Variants in ASAP1 observed in about 807,000 individuals in gnomAD.
ASAP1 encodes arf-GAP with SH3 domain, ANK repeat and PH domain-containing protein 1.
Under a neutral mutation model 145.2 loss-of-function variants are expected in ASAP1, and 43 were observed. That is an observed-to-expected ratio of 0.30 (90% CI 0.23 to 0.38). The LOEUF is 0.38. Ranked by LOEUF, ASAP1 falls within the 10% of genes least tolerant of loss-of-function variation. ASAP1 has a pLI of 1.00. For synonymous variants in ASAP1, 546 were observed against 515.5 expected, an observed-to-expected ratio of 1.06 and a Z score of -0.80; for missense variants, 1,018 against 1,355.3, an observed-to-expected ratio of 0.75 and a Z score of 3.91.
At chr8:130,276,010 G>A (rs1468764253) in intron 3 of ASAP1, among the ~76,000 whole-genome samples, 1 of 152,152 alleles carries the variant, frequency 6.6e-6, no homozygotes, top group African/African-American at 2.4e-5. Context: ...GAGTGATCAA[G>A]GAAAGAACCA....
At position 130,229,765 on chromosome 8, in the gene ASAP1, C is replaced by T. The variant is rs577953782; in HGVS notation, c.259+7157G>A. Among the ~76,000 whole-genome samples, 34 of 152,282 alleles carry T rather than the reference C, an allele frequency of 2.2e-4. 1 individual carries two copies. Among genetic ancestry groups the T allele is most frequent in the South Asian group, 2.1e-3 (10 of 4,832 alleles). On this transcript the variant is annotated intron_variant, in intron 4 of 29. Coordinates refer to ENST00000518721, the MANE Select transcript of ASAP1 (RefSeq NM_018482.4). ...TTAAAAAACCCCAAAATAGGCTGGG[C>T]GTGCTGGCTCACACCTGTAAATCCC...
At chr8:130,133,875 A>T (rs951138778) in intron 15 of ASAP1, among the ~76,000 whole-genome samples, 2 of 152,178 alleles carry the variant, frequency 1.3e-5, no homozygotes, top group African/African-American at 4.8e-5. Flanking sequence ...AGGCTGGCTG[A>T]TATGTTTGGC....
intron 3 of ASAP1, among the ~76,000 whole-genome samples, chr8:130,237,971 T>G (rs1300453824): frequency 2.6e-5 from 4 of 152,018 alleles, no homozygotes; most frequent in Admixed American, 2.0e-4. Flanking sequence ...AATAAAAATT[T>G]AAAACATTAA....
chr8:130,361,845 T>C (rs1313261040), intron 2 of ASAP1: 3 of 1,038,756 alleles, frequency 2.9e-6, no homozygotes, highest in South Asian at 2.7e-5. Context: ...CCCCGAAATA[T>C]ACACCATCCT....
chr8:130,130,214 C>A (rs62524639), intron 15 of ASAP1, among the ~76,000 whole-genome samples: 30 of 152,350 alleles, frequency 2.0e-4, no homozygotes, highest in Non-Finnish European at 4.1e-4. Flanking sequence ...GTAGAATCTT[C>A]TCACATGCCT....
chr8:130,120,346 C>T (rs12675936), intron 18 of ASAP1, among the ~76,000 whole-genome samples: 12,418 of 152,256 alleles, frequency 0.082, 543 homozygotes, highest in African/African-American at 0.097. Context: ...TTAAATCGCT[C>T]GATTCAAGTC....
intron 2 of ASAP1, among the ~76,000 whole-genome samples, chr8:130,389,653 C>A (rs544852273): frequency 3.0e-4 from 46 of 152,298 alleles, no homozygotes; most frequent in Non-Finnish European, 6.5e-4. Context: ...TAAGCTGGAA[C>A]AACTCTACTC....
Position 130,291,280 on chromosome 8 carries a change from T to C in ASAP1, c.187-54286A>G, listed in dbSNP as rs550908097. On this transcript the variant is annotated intron_variant, in intron 3 of 29. Coordinates refer to ENST00000518721, the MANE Select transcript of ASAP1 (RefSeq NM_018482.4). ...CAAAGAAAAATGCTGGAGCCAGAAA[T>C]AGACACTTGCTAAAGTATACATTCT... 1.4e-4 allele frequency among the ~76,000 whole-genome samples: 22 copies of C among 152,260 alleles called. No individual in the cohort carries two copies. In the East Asian group the frequency reaches 3.3e-3, roughly 23 times the overall value.
chr8:130,193,388 C>A (rs1004104206), intron 5 of ASAP1, among the ~76,000 whole-genome samples: 3 of 151,108 alleles, frequency 2.0e-5, no homozygotes, highest in African/African-American at 7.3e-5. Context: ...CCCCAAAAAA[C>A]AAAAGACAAA....
At chr8:130,080,075 G>A (rs541114620) in intron 25 of ASAP1, 104 bp from the exon 26 acceptor site, 67 of 1,068,200 alleles carry the variant, frequency 6.3e-5, no homozygotes, top group Non-Finnish European at 8.1e-5. Flanking sequence ...GTTCCAGAAC[G>A]GCATTTAAAA....
chr8:130,194,206 T>C (rs1470622246), intron 5 of ASAP1, among the ~76,000 whole-genome samples: 1 of 152,170 alleles, frequency 6.6e-6, no homozygotes, highest in Non-Finnish European at 1.5e-5. Flanking sequence ...TTACAAAGTC[T>C]TTCCAACTAA....
At chr8:130,270,592 A>G (rs1391935467) in intron 3 of ASAP1, among the ~76,000 whole-genome samples, 1 of 152,240 alleles carries the variant, frequency 6.6e-6, no homozygotes, top group African/African-American at 2.4e-5. Flanking sequence ...AACATGCATA[A>G]GAACACAAAA....
rs1347960112 is a variant in ASAP1 at position 130,126,840 on chromosome 8, G to A, written c.1382-751C>T. ...AAAATCCAGTTTCACAAGTAAAACC[G>A]CAAAAAAGGTATATCACAGTGCTTA... On this transcript the variant is annotated intron_variant, in intron 16 of 29. Coordinates refer to ENST00000518721, the MANE Select transcript of ASAP1 (RefSeq NM_018482.4). Among the ~76,000 whole-genome samples the A allele has an allele frequency of 3.9e-5, 6 of 152,138 alleles. No individual in the cohort carries two copies. In the South Asian group the frequency reaches 1.0e-3, roughly 26 times the overall value.
chr8:130,149,778 G>A (rs2097641800), intron 13 of ASAP1, among the ~76,000 whole-genome samples: 1 of 152,184 alleles, frequency 6.6e-6, no homozygotes, highest in African/African-American at 2.4e-5. Flanking sequence ...GCAAAGTCAG[G>A]AAAAGCCCGC....
chr8:130,099,575 C>G (rs962920434), intron 24 of ASAP1, among the ~76,000 whole-genome samples: 1 of 151,904 alleles, frequency 6.6e-6, no homozygotes, highest in Admixed American at 6.6e-5. Flanking sequence ...TTAGCTCCCA[C>G]ATGAGTGAGA....
chr8:130,187,873 C>G (rs1205523451), intron 6 of ASAP1, among the ~76,000 whole-genome samples: 1 of 152,168 alleles, frequency 6.6e-6, no homozygotes, highest in Non-Finnish European at 1.5e-5. Context: ...CTTAGCTTCT[C>G]TCTCCCACCC....
intron 24 of ASAP1, among the ~76,000 whole-genome samples, chr8:130,096,081 G>T (rs1421776334): frequency 6.6e-6 from 1 of 152,172 alleles, no homozygotes; most frequent in African/African-American, 2.4e-5. Context: ...CCTATCTATT[G>T]TCTTGTAGTA....
intron 3 of ASAP1, among the ~76,000 whole-genome samples, chr8:130,323,930 C>G (rs985800033): frequency 6.2e-4 from 95 of 152,284 alleles, no homozygotes; most frequent in African/African-American, 2.2e-3. Context: ...GATGCAGGAG[C>G]AATTGTCCTT....
At chr8:130,400,861 T>A (rs1424514913) in intron 2 of ASAP1, among the ~76,000 whole-genome samples, 2 of 152,142 alleles carry the variant, frequency 1.3e-5, no homozygotes, top group African/African-American at 4.8e-5. Context: ...GGCAAGTTCT[T>A]TACCCGTAAA....
Sources: gnomAD v4.1 joint callset for allele counts (sites outside exome capture counted in the v4.1 genomes callset) on GRCh38, gnomAD v4.1.1 for gene constraint, MANE v1.5 for transcripts, NCBI Gene and HGNC (gene_info 2026-07-23, HGNC 2026-07-21) for gene names.